The following SHCBP1L variants were observed in gnomAD, a reference collection of about 807,000 sequenced individuals.
SHCBP1L encodes the protein testicular spindle-associated protein SHCBP1L.
A neutral mutation model predicts 62.5 loss-of-function variants in SHCBP1L; 67 were observed. The ratio of observed to expected loss-of-function variants is 1.07; its 90% CI spans 0.88 to 1.31. The LOEUF is 1.31. Among genes scored for constraint, SHCBP1L ranks in the 40% most tolerant of loss-of-function variants. SHCBP1L has a pLI of 0.00. For missense variants in SHCBP1L, 823 were observed against 809.8 expected, an observed-to-expected ratio of 1.02 and a Z score of -0.20; for synonymous variants, 284 against 289.4, an observed-to-expected ratio of 0.98 and a Z score of 0.19.
At chr1:182,951,293 C>G (rs899415937) in intron 2 of SHCBP1L, 25 bp downstream of exon 2, 1 of 1,471,706 alleles carries the variant, frequency 6.8e-7, no homozygotes. Context: ...TCAAAAAGAA[C>G]AAAGATCAAA....
chr1:182,916,607 C>T (rs1419407947), intron 6 of SHCBP1L, among the ~76,000 whole-genome samples: 2 of 151,992 alleles, frequency 1.3e-5, no homozygotes, highest in Non-Finnish European at 2.9e-5. Flanking sequence ...CAATTGTACA[C>T]CAACAAATGC....
Position 182,905,877 on chromosome 1 carries a change from G to C in SHCBP1L, c.1183-228C>G, listed in dbSNP as rs143274948. 4.7e-3 allele frequency among the ~76,000 whole-genome samples: 711 copies of C among 152,182 alleles called. 5 individuals carry two copies. The highest frequency in any genetic ancestry group is 0.017 in the African/African-American group (686 of 41,526). On this transcript the variant is annotated intron_variant, in intron 6 of 9. Coordinates refer to ENST00000367547, the MANE Select transcript of SHCBP1L (RefSeq NM_030933.4). ...CTATTAAATACTGGGTATTAGCTATGTGCCATATTTTGAACTTTACATATT... is the reference window on the plus strand; with the variant it reads ...CTATTAAATACTGGGTATTAGCTATCTGCCATATTTTGAACTTTACATATT...
At chr1:182,922,579 A>G (rs957548636) in intron 6 of SHCBP1L, among the ~76,000 whole-genome samples, 6 of 151,966 alleles carry the variant, frequency 3.9e-5, no homozygotes, top group Non-Finnish European at 8.8e-5. Flanking sequence ...AAAGAAATCA[A>G]TACTAAGAAG....
At chr1:182,934,431 C>T (rs1395334472) in intron 5 of SHCBP1L, among the ~76,000 whole-genome samples, 1 of 152,122 alleles carries the variant, frequency 6.6e-6, no homozygotes, top group African/African-American at 2.4e-5. Flanking sequence ...TTGCAACTTA[C>T]TAATGACAAA....
intron 6 of SHCBP1L, among the ~76,000 whole-genome samples, chr1:182,925,181 A>ACGGAC (rs1269321160): frequency 3.9e-5 from 6 of 152,176 alleles, no homozygotes; most frequent in Non-Finnish European, 8.8e-5. Flanking sequence ...GACAGTGATC[A>ACGGAC]CGGACAGGCA....
intron 5 of SHCBP1L, among the ~76,000 whole-genome samples, chr1:182,937,046 C>A (rs527461931): frequency 6.6e-6 from 1 of 151,508 alleles, no homozygotes; most frequent in African/African-American, 2.4e-5. Flanking sequence ...AGGGCAAGAC[C>A]CTGTCTCAGA....
rs745515658 is a variant in SHCBP1L, at chr1:182,952,780, C to T, written c.354G>A (p.Trp118Ter). The T allele has an allele frequency of 1.2e-6, 2 of 1,612,700 alleles. No homozygotes were observed. Among genetic ancestry groups the T allele is most frequent in the African/African-American group, 2.7e-5 (2 of 74,736 alleles). The change falls in exon 1 of 10, where the codon TGG (tryptophan) becomes TGA (stop). Residue 118 changes from tryptophan to a stop codon, truncating the protein, a stop_gained. Transcript: ENST00000367547. LOFTEE classifies it high-confidence loss of function. The part of the protein sequence containing the change: ...PVCVSRMRGM[W>*]RDEKVSLYCD... ...AATACAGCGACACCTTCTCGTCCCG[C>T]CACATCCCCCTCATACGGGACACGC...
At chr1:182,944,957 C>CTTTTTTTTTTTTTTTTT (rs11309339) in intron 2 of SHCBP1L, among the ~76,000 whole-genome samples, 3 of 109,076 alleles carry the variant, frequency 2.8e-5, no homozygotes, top group African/African-American at 1.2e-4. Flanking sequence ...TTCTTTCTTT[C>CTTTTTTTTTTTTTTTTT]TTTTTTTTTT....
At chr1:182,914,429 A>G (rs1231959325) in intron 6 of SHCBP1L, among the ~76,000 whole-genome samples, 2 of 152,242 alleles carry the variant, frequency 1.3e-5, no homozygotes, top group African/African-American at 4.8e-5. Flanking sequence ...ACCGATGCCT[A>G]AAACAATCCT....
At chr1:182,909,471 C>A (rs1036201374) in intron 6 of SHCBP1L, among the ~76,000 whole-genome samples, 1 of 151,932 alleles carries the variant, frequency 6.6e-6, no homozygotes, top group African/African-American at 2.4e-5. Context: ...GAAAAGTAGG[C>A]AAAGAGGTGG....
intron 6 of SHCBP1L, among the ~76,000 whole-genome samples, chr1:182,918,363 C>T (rs974417604): frequency 6.6e-6 from 1 of 151,430 alleles, no homozygotes; most frequent in South Asian, 2.1e-4. Flanking sequence ...TTATATATCA[C>T]TAATGAACAA....
intron 5 of SHCBP1L, among the ~76,000 whole-genome samples, chr1:182,932,158 T>C (rs571600541): frequency 6.6e-6 from 1 of 151,886 alleles, no homozygotes; most frequent in Admixed American, 6.6e-5. Context: ...TGTCCCAACA[T>C]TCCTTGTCTG....
At chr1:182,924,971 AAAG>A (rs1457311919) in intron 6 of SHCBP1L, among the ~76,000 whole-genome samples, 14 of 140,600 alleles carry the variant, frequency 1.0e-4, no homozygotes, top group African/African-American at 3.6e-4. Flanking sequence ...AGAAAGAAAG[AAAG>A]AAAAAAAAAG....
At chr1:182,916,061 C>T (rs1485326444) in intron 6 of SHCBP1L, among the ~76,000 whole-genome samples, 1 of 152,138 alleles carries the variant, frequency 6.6e-6, no homozygotes, top group Non-Finnish European at 1.5e-5. Flanking sequence ...CCCTCTCGGC[C>T]TCCCAAAGTG....
intron 6 of SHCBP1L, among the ~76,000 whole-genome samples, chr1:182,917,984 T>C (rs1247397442): frequency 2.6e-5 from 4 of 151,632 alleles, no homozygotes; most frequent in Non-Finnish European, 5.9e-5. Flanking sequence ...CAAAAAGAAA[T>C]AAAATGTATC....
At chr1:182,901,337 A>T (rs182987155) in intron 9 of SHCBP1L, among the ~76,000 whole-genome samples, 2 of 152,310 alleles carry the variant, frequency 1.3e-5, no homozygotes, top group Admixed American at 6.5e-5. Context: ...CATGCCTGTA[A>T]TCCCAGCTAC....
chr1:182,946,682 C>A (rs1270414044), intron 2 of SHCBP1L, among the ~76,000 whole-genome samples: 3 of 151,976 alleles, frequency 2.0e-5, no homozygotes, highest in African/African-American at 7.3e-5. Flanking sequence ...TATTTTTTAG[C>A]CCTCTCTCTT....
At chr1:182,909,561 T>G (rs1020445317) in intron 6 of SHCBP1L, among the ~76,000 whole-genome samples, 4 of 152,202 alleles carry the variant, frequency 2.6e-5, no homozygotes, top group Admixed American at 2.6e-4. Flanking sequence ...TTGAACTGCA[T>G]AGACCAACTT....
intron 5 of SHCBP1L, 80 bp from the exon 6 acceptor site, chr1:182,929,832 G>T: frequency 3.3e-6 from 3 of 901,684 alleles, no homozygotes; most frequent in Non-Finnish European, 4.9e-6. Context: ...TAAAAACTTG[G>T]TACTAAGCAT....
Sources: gnomAD v4.1 joint callset for allele counts (sites outside exome capture counted in the v4.1 genomes callset) on GRCh38, gnomAD v4.1.1 for gene constraint, MANE v1.5 for transcripts, NCBI Gene and HGNC (gene_info 2026-07-23, HGNC 2026-07-21) for gene names.